Variants in TBC1D1 observed in about 807,000 individuals in gnomAD.
The protein encoded by TBC1D1 is TBC1 domain family member 1.
TBC1D1 carries 89 observed loss-of-function variants against 125.6 expected under a neutral mutation model. The ratio of observed to expected loss-of-function variants is 0.71; its 90% CI spans 0.60 to 0.85. The LOEUF is 0.85. Ranked by LOEUF, TBC1D1 falls within the 40% of genes least tolerant of loss-of-function variation. The pLI, the probability that TBC1D1 is intolerant of heterozygous loss-of-function variation, is 0.00. For synonymous variants in TBC1D1, 565 were observed against 564.1 expected, an observed-to-expected ratio of 1.00 and a Z score of -0.02; for missense variants, 1,377 against 1,469.2, an observed-to-expected ratio of 0.94 and a Z score of 1.03.
intron 2 of TBC1D1, chr4:37,961,027 T>C: frequency 6.2e-7 from 1 of 1,613,624 alleles, no homozygotes; most frequent in Non-Finnish European, 8.5e-7. Flanking sequence ...AGCTGTTTGC[T>C]ATGACATAGA....
chr4:37,949,346 T>A (rs555178215), intron 2 of TBC1D1, among the ~76,000 whole-genome samples: 228 of 152,362 alleles, frequency 1.5e-3, no homozygotes, highest in African/African-American at 5.0e-3. Flanking sequence ...ATAACTTTTA[T>A]TGAGTGCTTC....
chr4:38,135,800 T>C (rs553294250), intron 19 of TBC1D1, among the ~76,000 whole-genome samples: 1 of 152,140 alleles, frequency 6.6e-6, no homozygotes, highest in Non-Finnish European at 1.5e-5. Context: ...GGCACAAGTG[T>C]TGTCACATTC....
At chr4:38,043,712 G>C (rs1461194385) in intron 8 of TBC1D1, among the ~76,000 whole-genome samples, 2 of 152,246 alleles carry the variant, frequency 1.3e-5, no homozygotes, top group East Asian at 3.9e-4. Flanking sequence ...AGGGAGAGAA[G>C]CTTGGTTGCA....
intron 12 of TBC1D1, among the ~76,000 whole-genome samples, chr4:38,073,150 T>C (rs1754994783): frequency 6.6e-6 from 1 of 152,228 alleles, no homozygotes; most frequent in Non-Finnish European, 1.5e-5. Flanking sequence ...AGAAGTGGGT[T>C]TGCTGGATCG....
intron 7 of TBC1D1, among the ~76,000 whole-genome samples, chr4:38,034,790 A>G (rs1033845766): frequency 6.6e-6 from 1 of 152,254 alleles, no homozygotes; most frequent in Non-Finnish European, 1.5e-5. Flanking sequence ...TCCCAAAACA[A>G]TTCATTTTAC....
chr4:37,951,925 T>G, intron 2 of TBC1D1: 1 of 714,710 alleles, frequency 1.4e-6, no homozygotes, highest in Non-Finnish European at 2.6e-6. Context: ...TTTTACCATG[T>G]CCCTCCCTGT....
intron 5 of TBC1D1, 180 bp downstream of exon 5, chr4:38,020,875 G>A: frequency 2.3e-6 from 1 of 441,326 alleles, no homozygotes; most frequent in East Asian, 3.9e-5. Flanking sequence ...AATTGGCTGT[G>A]CATTTTATAT....
At chr4:37,904,530 G>A (rs1391519780) in intron 2 of TBC1D1, among the ~76,000 whole-genome samples, 2 of 152,118 alleles carry the variant, frequency 1.3e-5, no homozygotes, top group East Asian at 1.9e-4. Context: ...AATCTTTTAC[G>A]GCCATCTGAG....
At chr4:37,944,106 A>G (rs1174065451) in intron 2 of TBC1D1, among the ~76,000 whole-genome samples, 1 of 152,164 alleles carries the variant, frequency 6.6e-6, no homozygotes, top group Admixed American at 6.5e-5. Flanking sequence ...TCCACTCCAG[A>G]CCTTGTTTGC....
intron 12 of TBC1D1, among the ~76,000 whole-genome samples, chr4:38,080,828 T>G (rs1225685166): frequency 6.6e-6 from 1 of 152,146 alleles, no homozygotes; most frequent in Non-Finnish European, 1.5e-5. Flanking sequence ...GGGTGGAGCT[T>G]GGTTTTCTTT....
At chr4:38,068,504 C>T (rs1008677850) in intron 12 of TBC1D1, among the ~76,000 whole-genome samples, 3 of 152,148 alleles carry the variant, frequency 2.0e-5, no homozygotes, top group Non-Finnish European at 2.9e-5. Flanking sequence ...ACCCCTCAGG[C>T]GTAGTCAGCC....
intron 8 of TBC1D1, among the ~76,000 whole-genome samples, chr4:38,037,411 A>G (rs1028986326): frequency 1.3e-5 from 2 of 152,048 alleles, no homozygotes; most frequent in Non-Finnish European, 1.5e-5. Context: ...GTCTTCGTCT[A>G]TAAAGAAGCT....
At chr4:37,932,543 G>T (rs1435183001) in intron 2 of TBC1D1, among the ~76,000 whole-genome samples, 1 of 152,162 alleles carries the variant, frequency 6.6e-6, no homozygotes, top group Non-Finnish European at 1.5e-5. Flanking sequence ...TTTCAAGAGA[G>T]ATATGATTTG....
rs73808209 is a variant in TBC1D1 at position 38,131,421 on chromosome 4, G to A, written c.3133-1663G>A. Among the ~76,000 whole-genome samples the A allele has an allele frequency of 5.8e-3, 883 of 152,266 alleles. 8 individuals carry two copies. Among genetic ancestry groups the A allele is most frequent in the African/African-American group, 0.02 (829 of 41,536 alleles). ...TCAGACTATTCAGAAGTTCCATGAC[G>A]TGGCATCCATTGATGATGGTTTTGC... On this transcript the variant is annotated intron_variant, in intron 18 of 19. Coordinates refer to ENST00000261439, the MANE Select transcript of TBC1D1 (RefSeq NM_015173.4).
chr4:38,077,611 G>A (rs1480019425), intron 12 of TBC1D1, among the ~76,000 whole-genome samples: 1 of 145,506 alleles, frequency 6.9e-6, no homozygotes, highest in Non-Finnish European at 1.5e-5. Flanking sequence ...TTGACTTTTG[G>A]TTCTTTCACA....
Position 37,901,971 on chromosome 4 carries a change from T to C in TBC1D1, c.-93-32T>C, listed in dbSNP as rs573224063. 1.7e-5 allele frequency: 17 copies of C among 1,002,886 alleles called. No individual in the cohort carries two copies. In the East Asian group the frequency reaches 4.2e-4, roughly 25 times the overall value. The allele number at this position is 1,002,886 out of a possible 1,614,324, so 62.1% of individuals were successfully genotyped here. A position where few individuals can be genotyped will look rare whatever the true frequency, so the allele number is the denominator to read the frequency against. On this transcript the variant is annotated intron_variant, in intron 1 of 19. Transcript: ENST00000261439. Reference sequence around the variant, plus strand: ...AAGGTAGCTATTGCTATGACTTCATTAAATTCTAATGCCTCTGGTTTTCTC... The same window carrying C: ...AAGGTAGCTATTGCTATGACTTCATCAAATTCTAATGCCTCTGGTTTTCTC...
rs539004533 is a variant in TBC1D1 at position 37,892,964 on chromosome 4, A to G, written c.-94+1616A>G. On this transcript the variant is annotated intron_variant, in intron 1 of 19. Transcript: ENST00000261439. ...GACAATGAGATGTACCCCTATGCAG[A>G]GCCAGATGTGGGCGGGTGGCTTTTT... Among the ~76,000 whole-genome samples, 5 of 152,300 alleles carry G rather than the reference A, an allele frequency of 3.3e-5. No homozygotes were observed. In the South Asian group the frequency reaches 1.0e-3, roughly 32 times the overall value.
intron 8 of TBC1D1, among the ~76,000 whole-genome samples, chr4:38,037,378 ACAT>A (rs1240535838): frequency 2.0e-5 from 3 of 151,820 alleles, no homozygotes; most frequent in African/African-American, 7.3e-5. Context: ...GGGTTTCTAA[ACAT>A]CATGAACCAG....
At chr4:37,907,535 A>G (rs1717597798) in intron 2 of TBC1D1, among the ~76,000 whole-genome samples, 1 of 152,108 alleles carries the variant, frequency 6.6e-6, no homozygotes, top group African/African-American at 2.4e-5. Context: ...CATGCACCAT[A>G]CATGCACCAT....
Sources: allele counts gnomAD v4.1 joint callset (sites outside exome capture counted in the v4.1 genomes callset), GRCh38; gene constraint gnomAD v4.1.1; transcripts MANE v1.5; gene names NCBI Gene and HGNC (gene_info 2026-07-23, HGNC 2026-07-21).